MORF4L1: variants seen among roughly 807,000 people sequenced by gnomAD.
MORF4L1 encodes mortality factor 4 like 1, also known as mortality factor 4-like protein 1.
In MORF4L1, 4 loss-of-function variants were observed where a neutral mutation model predicts 52.9. The observed-to-expected ratio is 0.08, with a 90% CI of 0.04 to 0.17. The LOEUF (loss-of-function observed/expected upper bound fraction) is 0.17. Ranked by LOEUF, MORF4L1 falls within the 10% of genes least tolerant of loss-of-function variation. MORF4L1 has a pLI of 1.00. For synonymous variants in MORF4L1, 123 were observed against 134.8 expected, an observed-to-expected ratio of 0.91 and a Z score of 0.61; for missense variants, 214 against 390.4, an observed-to-expected ratio of 0.55 and a Z score of 3.81.
At chr15:78,874,163 AAGG>A (rs2056432310) in intron 1 of MORF4L1, among the ~76,000 whole-genome samples, 1 of 152,254 alleles carries the variant, frequency 6.6e-6, no homozygotes, top group Non-Finnish European at 1.5e-5. Context: ...CCTGTTGAGA[AAGG>A]AGGAACACTT....
chr15:78,881,782 ATTG>A (rs1049966649), intron 3 of MORF4L1, among the ~76,000 whole-genome samples: 13 of 152,270 alleles, frequency 8.5e-5, no homozygotes, highest in African/African-American at 3.1e-4. Context: ...GCTATTTAGT[ATTG>A]TTCTTGTGGA....
At chr15:78,877,534 A>G (rs188446654) in intron 1 of MORF4L1, among the ~76,000 whole-genome samples, 200 of 152,354 alleles carry the variant, frequency 1.3e-3, no homozygotes, top group African/African-American at 4.7e-3. Context: ...CTTTCAAGCT[A>G]CACTCAAATG....
In MORF4L1 at chr15:78,880,597, C is replaced by T. The variant is rs747197159; in HGVS notation, c.155+18C>T. On this transcript the variant is annotated intron_variant, in intron 3 of 11. Coordinates refer to ENST00000426013, the MANE Select transcript of MORF4L1 (RefSeq NM_006791.4). ...AATAAAAAGTGAGTATTAGATCTTACAATTCTATTTGTAATTAACAAGATA... is the reference window on the plus strand; with the variant it reads ...AATAAAAAGTGAGTATTAGATCTTATAATTCTATTTGTAATTAACAAGATA... 1 of 1,535,752 alleles carries T rather than the reference C, an allele frequency of 6.5e-7. No individual in the cohort carries two copies. Among genetic ancestry groups the T allele is most frequent in the Non-Finnish European group, 8.9e-7 (1 of 1,124,464 alleles).
At chr15:78,888,617 G>GT (rs1184497637) in intron 5 of MORF4L1, among the ~76,000 whole-genome samples, 1 of 151,928 alleles carries the variant, frequency 6.6e-6, no homozygotes, top group Non-Finnish European at 1.5e-5. Context: ...AAAGTAAGGT[G>GT]TTACACCCAG....
At chr15:78,875,718 G>A (rs1343882916) in intron 1 of MORF4L1, among the ~76,000 whole-genome samples, 1 of 151,692 alleles carries the variant, frequency 6.6e-6, no homozygotes, top group Non-Finnish European at 1.5e-5. Context: ...CCCGGGAGTC[G>A]GAGGTTGCAG....
chr15:78,888,920 T>C (rs892578551), intron 5 of MORF4L1, among the ~76,000 whole-genome samples: 1 of 152,176 alleles, frequency 6.6e-6, no homozygotes, highest in Non-Finnish European at 1.5e-5. Flanking sequence ...AACTGTAGTG[T>C]AGTATTTCAT....
In MORF4L1 at chr15:78,894,954, A is replaced by G. The variant is rs754962874; in HGVS notation, c.887+50A>G. On this transcript the variant is annotated intron_variant, in intron 11 of 11. Transcript: ENST00000426013. ...ACATGGATTTGAAAATTAGCGTGTA[A>G]TGGGAGGGATTGGCAGTATAGATGC... 3 of 1,418,232 alleles carry G rather than the reference A, an allele frequency of 2.1e-6. No homozygotes were observed. In the South Asian group the frequency reaches 3.5e-5, roughly 16 times the overall value. 87.9% of individuals were successfully genotyped at this position (1,418,232 alleles called of 1,614,324 possible).
intron 1 of MORF4L1, among the ~76,000 whole-genome samples, chr15:78,876,139 T>C (rs1375123401): frequency 1.3e-5 from 2 of 151,950 alleles, no homozygotes; most frequent in Non-Finnish European, 2.9e-5. Context: ...GGTTTCACCA[T>C]GTTGGCCAGG....
At chr15:78,879,034 CTT>C (rs11446420) in intron 2 of MORF4L1, among the ~76,000 whole-genome samples, 10 of 149,778 alleles carry the variant, frequency 6.7e-5, no homozygotes, top group African/African-American at 2.2e-4. Flanking sequence ...ATTTTCACTA[CTT>C]TTTTTTTTCC....
intron 1 of MORF4L1, among the ~76,000 whole-genome samples, chr15:78,877,318 G>A (rs990838711): frequency 2.6e-5 from 4 of 151,928 alleles, no homozygotes; most frequent in African/African-American, 9.7e-5. Flanking sequence ...ACAGGGTTTC[G>A]CCTGTTGGCC....
chr15:78,878,017 T>A (rs1018613117), intron 1 of MORF4L1, 196 bp from the exon 2 acceptor site: 1 of 469,192 alleles, frequency 2.1e-6, no homozygotes, highest in African/African-American at 2.0e-5. Flanking sequence ...TGTTTTTGTT[T>A]TTACCATCGG....
chr15:78,889,935 G>A (rs552952311), intron 5 of MORF4L1, among the ~76,000 whole-genome samples: 131 of 150,238 alleles, frequency 8.7e-4, no homozygotes, highest in Non-Finnish European at 1.4e-3. Flanking sequence ...ATGTAAAAAA[G>A]CAAAATTAGG....
intron 3 of MORF4L1, among the ~76,000 whole-genome samples, chr15:78,881,264 C>T (rs1052301031): frequency 1.6e-5 from 2 of 123,398 alleles, no homozygotes; most frequent in African/African-American, 6.2e-5. Flanking sequence ...GGTGTGAGCT[C>T]GGCTCACTGC....
Position 78,873,157 on chromosome 15 carries a change from G to A in MORF4L1, c.40+100G>A, listed in dbSNP as rs368341887. 22 of 1,538,086 alleles carry A rather than the reference G, an allele frequency of 1.4e-5. No homozygotes were observed. In the African/African-American group the frequency reaches 2.9e-4, roughly 20 times the overall value. ...GAGGGCCGGGGGCGGCGCGGGCTGC[G>A]CCCTGAGAAGGCGGCGGTCAGTGCT... On this transcript the variant is annotated intron_variant, in intron 1 of 11. Transcript: ENST00000426013.
intron 4 of MORF4L1, 34 bp downstream of exon 4, chr15:78,886,261 A>G: frequency 1.3e-6 from 2 of 1,518,730 alleles, no homozygotes; most frequent in Non-Finnish European, 1.8e-6. Flanking sequence ...TATTAAGGAG[A>G]AATGCCTGTA....
At chr15:78,893,877 A>T (rs1373851063) in intron 9 of MORF4L1, among the ~76,000 whole-genome samples, 181 bp from the exon 10 acceptor site, 1 of 152,196 alleles carries the variant, frequency 6.6e-6, no homozygotes, top group Non-Finnish European at 1.5e-5. Flanking sequence ...CCATCTGAAA[A>T]TGTAAGAATC....
At chr15:78,874,590 T>C (rs2056445220) in intron 1 of MORF4L1, among the ~76,000 whole-genome samples, 1 of 145,622 alleles carries the variant, frequency 6.9e-6, no homozygotes, top group Non-Finnish European at 1.5e-5. Context: ...TTTCTTTTTT[T>C]TTTTTTTTTT....
At chr15:78,887,869 C>T (rs1234323183) in intron 5 of MORF4L1, among the ~76,000 whole-genome samples, 1 of 152,190 alleles carries the variant, frequency 6.6e-6, no homozygotes, top group East Asian at 1.9e-4. Context: ...ACCTCTGCCT[C>T]CTGGGTTCAA....
intron 10 of MORF4L1, 119 bp from the exon 11 acceptor site, chr15:78,894,701 C>T: frequency 3.8e-6 from 3 of 797,156 alleles, no homozygotes; most frequent in Non-Finnish European, 4.2e-6. Flanking sequence ...AGCCACTATG[C>T]CCGGCCTAAA....
Sources: gnomAD v4.1 joint callset for allele counts (sites outside exome capture counted in the v4.1 genomes callset) on GRCh38, gnomAD v4.1.1 for gene constraint, MANE v1.5 for transcripts, NCBI Gene and HGNC (gene_info 2026-07-23, HGNC 2026-07-21) for gene names.